Variants in ANTXR1 observed in about 807,000 individuals in gnomAD.
The protein encoded by ANTXR1 is anthrax toxin receptor 1.
In ANTXR1, 19 loss-of-function variants were observed where a neutral mutation model predicts 78.1. The ratio of observed to expected loss-of-function variants is 0.24; its 90% CI spans 0.17 to 0.36. The LOEUF (loss-of-function observed/expected upper bound fraction) is 0.36. Ranked by LOEUF, ANTXR1 falls within the 10% of genes least tolerant of loss-of-function variation. The probability of loss-of-function intolerance (pLI) is 1.00; values close to 1 mark genes in which losing one functional copy is unlikely to be tolerated. For synonymous variants in ANTXR1, 273 were observed against 260.5 expected (o/e 1.05, Z -0.46); for missense variants, 518 against 718.6 (o/e 0.72, Z 3.19).
At chr2:69,136,715 G>A (rs1432301421) in intron 12 of ANTXR1, among the ~76,000 whole-genome samples, 2 of 152,142 alleles carry the variant, frequency 1.3e-5, no homozygotes, top group East Asian at 1.9e-4. Context: ...ATAGAACACA[G>A]GAGATTAGAG....
chr2:69,090,307 C>T (rs1459604443), intron 8 of ANTXR1, among the ~76,000 whole-genome samples: 1 of 151,892 alleles, frequency 6.6e-6, no homozygotes, highest in Admixed American at 6.6e-5. Flanking sequence ...AATCTATGTA[C>T]TTTTTCCTTC....
intron 7 of ANTXR1, among the ~76,000 whole-genome samples, chr2:69,075,883 T>C (rs1373652511): frequency 6.6e-6 from 1 of 152,248 alleles, no homozygotes; most frequent in African/African-American, 2.4e-5. Context: ...AGCATCTTTC[T>C]TGGCAAACAT....
chr2:69,149,538 G>T (rs1181694253), intron 12 of ANTXR1, among the ~76,000 whole-genome samples: 1 of 152,198 alleles, frequency 6.6e-6, no homozygotes, highest in Admixed American at 6.5e-5. Context: ...AGGGGAAATT[G>T]TGTATAATGT....
Position 69,013,634 on chromosome 2 carries a change from G to A in ANTXR1, c.135G>A (p.Leu45=). 6.4e-7 allele frequency: 1 copy of A among 1,553,656 alleles called. No homozygotes were observed. The highest frequency in any genetic ancestry group is 8.7e-7 in the Non-Finnish European group (1 of 1,147,712). ...GGPACYGGFD[L]YFILDKSGSV... Reference sequence around the variant, plus strand: ...CAGCCTGCTACGGCGGATTTGACCTGTACTTCATTTTGGACAAGTAAGTGC... The same window carrying A: ...CAGCCTGCTACGGCGGATTTGACCTATACTTCATTTTGGACAAGTAAGTGC... Residue 45 remains leucine, a synonymous_variant, in exon 1 of 18, where the codon CTG becomes CTA. Coordinates refer to ENST00000303714, the MANE Select transcript of ANTXR1 (RefSeq NM_032208.3). This position sits in a 1 kb window ranked among gnomAD's most constrained non-coding sequence, Gnocchi z 5.0.
chr2:69,233,142 T>C (rs961943393), intron 17 of ANTXR1, among the ~76,000 whole-genome samples: 7 of 152,126 alleles, frequency 4.6e-5, no homozygotes, highest in African/African-American at 1.7e-4. Context: ...TACTTTTAAA[T>C]AACAGCATGT....
intron 3 of ANTXR1, among the ~76,000 whole-genome samples, chr2:69,067,769 C>T (rs1670444093): frequency 6.6e-6 from 1 of 152,210 alleles, no homozygotes; most frequent in Admixed American, 6.5e-5. Context: ...TGGCAACTCA[C>T]AGGGCAGAGC....
At chr2:69,166,127 C>A (rs1673822242) in intron 13 of ANTXR1, among the ~76,000 whole-genome samples, 1 of 152,178 alleles carries the variant, frequency 6.6e-6, no homozygotes, top group African/African-American at 2.4e-5. Context: ...AACAGCCAAA[C>A]TCAGGAGTGC....
rs774154049 is a variant in ANTXR1, at chr2:69,077,414, C to T, written c.568C>T (p.Arg190Trp). The change falls in exon 8 of 18, where the codon CGG becomes TGG. Residue 190 changes from arginine to tryptophan, a missense_variant. By Grantham distance (101) the Arg-to-Trp change is moderately radical. Around this residue, in one of 5 missense-constraint regions of ANTXR1, gnomAD observed 264 missense variants for 391.8 expected, o/e 0.67. Transcript: ENST00000303714. ...VKDFNETQLA[R>W]IADSKDHVFP... is the part of the protein sequence containing the mutation. ...GTATTTGCTGTGTTCTCAGCTGGCCCGGATTGCGGACAGTAAGGATCATGT... is the reference window on the plus strand; with the variant it reads ...GTATTTGCTGTGTTCTCAGCTGGCCTGGATTGCGGACAGTAAGGATCATGT... The T allele has an allele frequency of 6.2e-7, 1 of 1,614,126 alleles. No homozygotes were observed. The highest frequency in any genetic ancestry group is 1.1e-5 in the South Asian group (1 of 91,078).
At chr2:69,056,397 C>T (rs540125081) in intron 3 of ANTXR1, among the ~76,000 whole-genome samples, 161 of 152,090 alleles carry the variant, frequency 1.1e-3, no homozygotes, top group African/African-American at 3.7e-3. Flanking sequence ...CTCATGAACT[C>T]CAGGTTCAGT....
intron 1 of ANTXR1, among the ~76,000 whole-genome samples, chr2:69,018,251 C>A (rs1213850150): frequency 1.3e-5 from 2 of 152,142 alleles, no homozygotes; most frequent in African/African-American, 2.4e-5. Context: ...CTCCGACTCC[C>A]CCTGCCATTT....
At chr2:69,244,539 C>T (rs1198454094) in intron 17 of ANTXR1, among the ~76,000 whole-genome samples, 2 of 152,160 alleles carry the variant, frequency 1.3e-5, no homozygotes, top group Non-Finnish European at 1.5e-5. Context: ...ATAGCTGCCT[C>T]CTTCATTCAT....
intron 12 of ANTXR1, among the ~76,000 whole-genome samples, chr2:69,126,528 C>T (rs984956346): frequency 2.6e-5 from 4 of 152,128 alleles, no homozygotes; most frequent in African/African-American, 9.7e-5. Context: ...AATCAAATAA[C>T]TCCATTTCAG....
intron 14 of ANTXR1, chr2:69,172,357 A>G (rs1474640762): frequency 9.9e-6 from 16 of 1,609,888 alleles, no homozygotes; most frequent in African/African-American, 2.7e-5. Flanking sequence ...TTCCTAATGT[A>G]TTTTGGCAGG....
intron 17 of ANTXR1, among the ~76,000 whole-genome samples, chr2:69,226,099 G>A (rs1675444612): frequency 6.6e-6 from 1 of 152,168 alleles, no homozygotes; most frequent in Non-Finnish European, 1.5e-5. Context: ...TCAGCCTCAA[G>A]AATCCTGTTC....
chr2:69,087,389 G>A (rs1454079932), intron 8 of ANTXR1, among the ~76,000 whole-genome samples: 1 of 152,172 alleles, frequency 6.6e-6, no homozygotes, highest in African/African-American at 2.4e-5. Context: ...ACTCAGAGAG[G>A]TTATGGAACC....
chr2:69,161,255 T>C (rs543808692), intron 13 of ANTXR1, among the ~76,000 whole-genome samples: 6 of 152,318 alleles, frequency 3.9e-5, no homozygotes, highest in Non-Finnish European at 7.4e-5. Flanking sequence ...GTGAGTCCCT[T>C]AGGCCCTGTG....
intron 1 of ANTXR1, among the ~76,000 whole-genome samples, chr2:69,022,405 C>T (rs950232427): frequency 3.9e-5 from 6 of 152,208 alleles, no homozygotes; most frequent in African/African-American, 1.4e-4. Flanking sequence ...AGCCTCTATA[C>T]TTATTTCTAA....
intron 10 of ANTXR1, 119 bp from the exon 11 acceptor site, chr2:69,122,898 A>G: frequency 1.0e-5 from 11 of 1,081,392 alleles, no homozygotes; most frequent in Non-Finnish European, 1.4e-5. Flanking sequence ...TTTTAAGCTC[A>G]AAAAGATTTT....
chr2:69,191,495 GT>G (rs1272214077), intron 16 of ANTXR1, among the ~76,000 whole-genome samples: 1 of 152,140 alleles, frequency 6.6e-6, no homozygotes, highest in Non-Finnish European at 1.5e-5. Flanking sequence ...ATTTTCAAAC[GT>G]TCCTAAGGCT....
Sources: allele counts gnomAD v4.1 joint callset (sites outside exome capture counted in the v4.1 genomes callset), GRCh38; gene constraint gnomAD v4.1.1; regional missense constraint gnomAD v4.1.1; non-coding constraint Gnocchi (gnomAD v3.1); transcripts MANE v1.5; gene names NCBI Gene and HGNC (gene_info 2026-07-23, HGNC 2026-07-21).